The following PER2 variants were observed in gnomAD, a reference collection of about 807,000 sequenced individuals.
PER2 encodes the protein period circadian protein homolog 2.
A neutral mutation model predicts 121.0 loss-of-function variants in PER2; 66 were observed. The observed-to-expected ratio is 0.55, with a 90% CI of 0.45 to 0.67. The LOEUF is 0.67. PER2 is among the 30% of genes least tolerant of loss of function. The pLI is 0.00. For missense variants in PER2, 1,521 were observed against 1,635.0 expected (o/e 0.93, Z 1.20); for synonymous variants, 684 against 659.9 (o/e 1.04, Z -0.56).
At chr2:238,261,893 C>T (rs369291429) in intron 11 of PER2, 56 bp from the exon 12 acceptor site, 26 of 1,246,202 alleles carry the variant, frequency 2.1e-5, no homozygotes, top group Non-Finnish European at 3.0e-5. Context: ...ACCTCTCTGG[C>T]GTGACTGTAT....
At chr2:238,265,370 C>T in intron 9 of PER2, 142 bp downstream of exon 9, 1 of 651,150 alleles carries the variant, frequency 1.5e-6, no homozygotes, top group East Asian at 2.8e-5. Flanking sequence ...CAGTGTAATT[C>T]CATAATTATT....
chr2:238,257,066 C>T lies in PER2; in HGVS notation c.1921G>A (p.Val641Met). The T allele has an allele frequency of 6.2e-7, 1 of 1,612,722 alleles. No individual in the cohort carries two copies. Residue 641 changes from valine to methionine, a missense_variant, in exon 17 of 23, where the codon GTG becomes ATG. Coordinates refer to ENST00000254657, the MANE Select transcript of PER2 (RefSeq NM_022817.3). ...HAGEAEPPSR[V>M]NSRTGVGTHL... ...GTACCTACTCCCGTGCGGCTGTTCA[C>T]CCTGGAGGGCGGCTCTGCCTCTTCA...
At chr2:238,251,791 T>G in intron 19 of PER2, 30 bp from the exon 20 acceptor site, 1 of 1,342,944 alleles carries the variant, frequency 7.4e-7, no homozygotes, top group Non-Finnish European at 9.9e-7. Flanking sequence ...ATACTGCTGT[T>G]CAGGGGCTCA....
At chr2:238,290,282 TCCCCGC>T (rs962949966), upstream of PER2, among the ~76,000 whole-genome samples, 5 of 151,766 alleles carry the variant, frequency 3.3e-5, no homozygotes, top group Admixed American at 6.6e-5. Context: ...CTCGACACAC[TCCCCGC>T]CCCCTCTCCC....
chr2:238,246,518 C>A lies in PER2; in HGVS notation c.3625G>T (p.Val1209Phe), dbSNP rs900583823. The change falls in exon 23 of 23, where the codon GTT becomes TTT. Residue 1209 changes from valine to phenylalanine, a missense_variant. By Grantham distance (50) the Val-to-Phe change is conservative (BLOSUM62 -1). Coordinates refer to ENST00000254657, the MANE Select transcript of PER2 (RefSeq NM_022817.3). ...LPAAIDVAEC[V>F]YCENKEKGNI... ...CCTTTTTCCTTGTTTTCACAGTAAA[C>A]ACATTCCTTAAAAGAAAAAAAAAGA... 2 of 1,555,568 alleles carry A rather than the reference C, an allele frequency of 1.3e-6. No homozygotes were observed. Among genetic ancestry groups the A allele is most frequent in the Admixed American group, 1.7e-5 (1 of 59,848 alleles).
chr2:238,246,488 T>C lies in PER2; in HGVS notation c.3655A>G (p.Ile1219Val), dbSNP rs1460554878. 6.3e-7 allele frequency: 1 copy of C among 1,587,936 alleles called. No individual in the cohort carries two copies. Residue 1219 changes from isoleucine to valine, a missense_variant, in exon 23 of 23, where the codon ATT becomes GTT. Coordinates refer to ENST00000254657, the MANE Select transcript of PER2 (RefSeq NM_022817.3). ...VYCENKEKGNICIPYEEDIPS... is the reference protein window; with the variant it reads ...VYCENKEKGNVCIPYEEDIPS... The stretch of plus-strand genomic sequence containing the variant: ...ATATCTTCCTCATATGGTATGCAAA[T>C]ATTACCTTTTTCCTTGTTTTCACAG...
At chr2:238,284,797 G>T (rs1034365268) in intron 1 of PER2, among the ~76,000 whole-genome samples, 2 of 152,252 alleles carry the variant, frequency 1.3e-5, no homozygotes. Context: ...TGGCAGAAAT[G>T]TGAAAGCCAA....
chr2:238,246,176 T>C lies in PER2; in HGVS notation c.*199A>G. On this transcript the variant is annotated 3_prime_UTR_variant, in exon 23 of 23. Transcript: ENST00000254657. ...CATATATATTTTATATATAAAAACA[T>C]ATTTCTTTCCGAACTCTCCCCACTC... is the stretch of plus-strand genomic sequence containing the variant. 1 of 358,420 alleles carries C rather than the reference T, an allele frequency of 2.8e-6. No homozygotes were observed. The highest frequency in any genetic ancestry group is 5.0e-6 in the Non-Finnish European group (1 of 200,838). 22.2% of individuals were successfully genotyped at this position (358,420 alleles called of 1,614,324 possible). A position where few individuals can be genotyped will look rare whatever the true frequency, so the allele number is the denominator to read the frequency against.
chr2:238,258,866 TG>T (rs1695842809), intron 14 of PER2, among the ~76,000 whole-genome samples: 2 of 151,866 alleles, frequency 1.3e-5, no homozygotes, highest in Admixed American at 1.3e-4. Context: ...CTGCCCAGCC[TG>T]GTGTCTGCTT....
At chr2:238,263,770 GA>G (rs1180034857) in intron 9 of PER2, among the ~76,000 whole-genome samples, 1 of 152,160 alleles carries the variant, frequency 6.6e-6, no homozygotes, top group Non-Finnish European at 1.5e-5. Flanking sequence ...TTTTCCCTGT[GA>G]ATCTTTAGAC....
At position 238,250,742 on chromosome 2, in the gene PER2, G is replaced by A; in HGVS notation, c.3276C>T (p.Gly1092=). ...LGCDASPSGA[G]SSDTSHTSKY... ...TGCTGGTATGACTTGTGTCACTACT[G>A]CCTTTAAAAACAAAAAACGTGGTGC... The change falls in exon 21 of 23, where the codon GGC becomes GGT. Residue 1092 remains glycine (G), a splice_region_variant and synonymous_variant. Transcript: ENST00000254657. 1 of 1,610,710 alleles carries A rather than the reference G, an allele frequency of 6.2e-7. No individual in the cohort carries two copies. Among genetic ancestry groups the A allele is most frequent in the Non-Finnish European group, 8.5e-7 (1 of 1,176,946 alleles).
At chr2:238,283,742 G>A (rs1283217286) in intron 1 of PER2, among the ~76,000 whole-genome samples, 1 of 152,202 alleles carries the variant, frequency 6.6e-6, no homozygotes, top group Non-Finnish European at 1.5e-5. Context: ...CTCTCAGGGT[G>A]CTCTTGCCAT....
chr2:238,283,621 T>C (rs934300050), intron 1 of PER2, among the ~76,000 whole-genome samples: 1 of 152,178 alleles, frequency 6.6e-6, no homozygotes, highest in African/African-American at 2.4e-5. Flanking sequence ...CGGAGTGCCT[T>C]GCGGGGGCAG....
At position 238,252,794 on chromosome 2, in the gene PER2, G is replaced by A. The variant is rs1695642434; in HGVS notation, c.3111+118C>T. 3.4e-6 allele frequency: 3 copies of A among 895,174 alleles called. No individual in the cohort carries two copies. Among genetic ancestry groups the A allele is most frequent in the South Asian group, 2.6e-5 (2 of 76,698 alleles). The allele number at this position is 895,174 out of a possible 1,614,324, so 55.5% of individuals were successfully genotyped here. On this transcript the variant is annotated intron_variant, in intron 19 of 22. Coordinates refer to ENST00000254657, the MANE Select transcript of PER2 (RefSeq NM_022817.3). This position sits in a 1 kb window ranked among gnomAD's most constrained non-coding sequence, Gnocchi z 4.2. Reference sequence around the variant, plus strand: ...ACACACATTCATGGCAAAACCTACAGGGTTTGGTGGAAACCTCAATCGTGT... The same window carrying A: ...ACACACATTCATGGCAAAACCTACAAGGTTTGGTGGAAACCTCAATCGTGT...
rs1491001603 is a variant in PER2 at position 238,268,563 on chromosome 2, T to C, written c.824+360A>G. 1.3e-5 allele frequency among the ~76,000 whole-genome samples: 2 copies of C among 152,216 alleles called. No homozygotes were observed. The highest frequency in any genetic ancestry group is 6.5e-5 in the Admixed American group (1 of 15,288). On this transcript the variant is annotated intron_variant, in intron 7 of 22. Transcript: ENST00000254657. The surrounding 1 kb of genome is among the most constrained non-coding windows in gnomAD (Gnocchi z 4.0). The stretch of plus-strand genomic sequence containing the variant: ...CAGCTGGATGCTCAATCAGTCACCC[T>C]GGTTTGGACCAAGACCCTTGTCGGG...
chr2:238,285,066 G>C (rs1388006848), intron 1 of PER2, among the ~76,000 whole-genome samples: 1 of 152,242 alleles, frequency 6.6e-6, no homozygotes, highest in African/African-American at 2.4e-5. Flanking sequence ...CCAAAGCCCA[G>C]GAGGGAAAAT....
At chr2:238,250,414 T>C (rs778028891) in intron 21 of PER2, 137 bp downstream of exon 21, 1 of 703,992 alleles carries the variant, frequency 1.4e-6, no homozygotes, top group Non-Finnish European at 2.5e-6. Context: ...GGAAGCCTGC[T>C]TCTCTGCTGC....
chr2:238,250,770 C>A, intron 20 of PER2, 27 bp from the exon 21 acceptor site: 1 of 1,510,524 alleles, frequency 6.6e-7, no homozygotes, highest in South Asian at 1.1e-5. Flanking sequence ...CGTGGTGCGT[C>A]AAAACATTGA....
In PER2 at chr2:238,273,013, C is replaced by T. The variant is rs200291272; in HGVS notation, c.570+57G>A. 202 of 1,580,844 alleles carry T rather than the reference C, an allele frequency of 1.3e-4. No individual in the cohort carries two copies. In the African/African-American group the frequency reaches 2.3e-3, roughly 18 times the overall value. ...CACCGGCCGCAGTGCTGAGCTAGCTCGCCTGCAGGAGGAACTCCTGCCATT... is the reference window on the plus strand; with the variant it reads ...CACCGGCCGCAGTGCTGAGCTAGCTTGCCTGCAGGAGGAACTCCTGCCATT... On this transcript the variant is annotated intron_variant, in intron 5 of 22. Transcript: ENST00000254657.
Sources: allele counts gnomAD v4.1 joint callset (sites outside exome capture counted in the v4.1 genomes callset), GRCh38; gene constraint gnomAD v4.1.1; non-coding constraint Gnocchi (gnomAD v3.1); transcripts MANE v1.5; gene names NCBI Gene and HGNC (gene_info 2026-07-23, HGNC 2026-07-21).